ALPK2: variants seen among roughly 807,000 people sequenced by gnomAD.
ALPK2 encodes alpha-protein kinase 2.
Under a neutral mutation model 163.1 loss-of-function variants are expected in ALPK2, and 127 were observed. The observed-to-expected ratio is 0.78, with a 90% CI of 0.67 to 0.90. The LOEUF (loss-of-function observed/expected upper bound fraction) is 0.90. Ranked by LOEUF, ALPK2 falls within the 40% of genes least tolerant of loss-of-function variation. The pLI, the probability that ALPK2 is intolerant of heterozygous loss-of-function variation, is 0.00. For synonymous variants in ALPK2, 953 were observed against 959.1 expected (o/e 0.99, Z 0.12); for missense variants, 2,360 against 2,589.6 (o/e 0.91, Z 1.92).
At chr18:58,524,912 A>G (rs1365072322) in intron 6 of ALPK2, among the ~76,000 whole-genome samples, 1 of 145,996 alleles carries the variant, frequency 6.8e-6, no homozygotes, top group East Asian at 2.1e-4. Flanking sequence ...AGAGCCACAT[A>G]TTTATTCCAA....
At chr18:58,610,262 A>G (rs1352441688) in intron 2 of ALPK2, among the ~76,000 whole-genome samples, 1 of 143,520 alleles carries the variant, frequency 7.0e-6, no homozygotes, top group African/African-American at 2.6e-5. Flanking sequence ...CAACAGAGCA[A>G]GAGACCCTGT....
chr18:58,574,438 CAAAAAA>C (rs34107333), intron 4 of ALPK2, among the ~76,000 whole-genome samples: 1,044 of 49,392 alleles, frequency 0.021, 16 homozygotes, highest in African/African-American at 0.077. Flanking sequence ...GACTCCATCT[CAAAAAA>C]AAAAAAAAAA....
rs779368289 is a variant in ALPK2, at chr18:58,529,029, C to T, written c.5501+62G>A. On this transcript the variant is annotated intron_variant, in intron 6 of 12. Coordinates refer to ENST00000361673, the MANE Select transcript of ALPK2 (RefSeq NM_052947.4). Reference sequence around the variant, plus strand: ...ATAATTTATTCTTTTTTCTTTTTTACAACCATGTTGTGAAATAAACAAGCA... The same window carrying T: ...ATAATTTATTCTTTTTTCTTTTTTATAACCATGTTGTGAAATAAACAAGCA... 3.1e-6 allele frequency: 5 copies of T among 1,596,136 alleles called. No individual in the cohort carries two copies. The Middle Eastern group carries it at 6.7e-4, about 213-fold the overall frequency.
chr18:58,487,998 G>A (rs529840272), intron 12 of ALPK2, among the ~76,000 whole-genome samples: 6 of 152,280 alleles, frequency 3.9e-5, no homozygotes, highest in Admixed American at 3.3e-4. Context: ...AGTAGGTCTG[G>A]AGTGGGGGTG....
intron 11 of ALPK2, among the ~76,000 whole-genome samples, chr18:58,499,487 G>A (rs1475845583): frequency 6.6e-6 from 1 of 152,172 alleles, no homozygotes; most frequent in South Asian, 2.1e-4. Context: ...CTTCCCTGAT[G>A]CCCAGAGTGT....
chr18:58,564,371 C>T (rs902190134), intron 4 of ALPK2, among the ~76,000 whole-genome samples: 1 of 151,968 alleles, frequency 6.6e-6, no homozygotes, highest in Admixed American at 6.6e-5. Flanking sequence ...ATTCGCCCAC[C>T]TCGGCCTCTC....
chr18:58,561,346 C>T (rs1031215685), intron 4 of ALPK2, among the ~76,000 whole-genome samples: 1 of 152,158 alleles, frequency 6.6e-6, no homozygotes, highest in Non-Finnish European at 1.5e-5. Flanking sequence ...CACATTGGAA[C>T]ACTGGGCCTT....
chr18:58,609,185 C>T (rs1181024404), intron 2 of ALPK2, among the ~76,000 whole-genome samples: 1 of 149,864 alleles, frequency 6.7e-6, no homozygotes, highest in Non-Finnish European at 1.5e-5. Flanking sequence ...TGGATTTTTC[C>T]TCCTTGCCTT....
At chr18:58,520,454 A>AAAAAAAAAG (rs2051544279) in intron 8 of ALPK2, among the ~76,000 whole-genome samples, 1 of 146,364 alleles carries the variant, frequency 6.8e-6, no homozygotes, top group Admixed American at 6.9e-5. Context: ...AAAAAAAAAA[A>AAAAAAAAAG]GAATCAGGAG....
At chr18:58,541,816 C>A (rs1034416518) in intron 4 of ALPK2, among the ~76,000 whole-genome samples, 3 of 152,180 alleles carry the variant, frequency 2.0e-5, no homozygotes, top group African/African-American at 7.2e-5. Flanking sequence ...TTTGTACTTG[C>A]TTACGGCATC....
intron 11 of ALPK2, among the ~76,000 whole-genome samples, 195 bp from the exon 12 acceptor site, chr18:58,498,292 A>C (rs74530934): frequency 0.021 from 3,185 of 152,246 alleles, 32 homozygotes; most frequent in Non-Finnish European, 0.031. Context: ...AGGGGGAATC[A>C]AGTCTCATGT....
intron 6 of ALPK2, among the ~76,000 whole-genome samples, chr18:58,525,367 G>C (rs1309522941): frequency 6.6e-6 from 1 of 152,226 alleles, no homozygotes; most frequent in Non-Finnish European, 1.5e-5. Context: ...GTAAAACACA[G>C]AGTGGGCCAC....
At chr18:58,539,166 G>A (rs1228586324) in intron 4 of ALPK2, among the ~76,000 whole-genome samples, 1 of 152,158 alleles carries the variant, frequency 6.6e-6, no homozygotes, top group African/African-American at 2.4e-5. Context: ...CACCTCTAAT[G>A]AATAAATGGA....
chr18:58,559,371 C>T (rs904670028), intron 4 of ALPK2, among the ~76,000 whole-genome samples: 10 of 152,144 alleles, frequency 6.6e-5, no homozygotes, highest in Non-Finnish European at 1.3e-4. Context: ...AAACCCTGCA[C>T]TAAAGGCTGC....
At chr18:58,578,433 A>C (rs1010609586) in intron 4 of ALPK2, 2 of 166,158 alleles carry the variant, frequency 1.2e-5, no homozygotes, top group African/African-American at 2.4e-5. Flanking sequence ...TTTAAAGGCT[A>C]CACCCAAAAC....
Position 58,528,893 on chromosome 18 carries a change from G to C in ALPK2, c.5501+198C>G. 1.5e-5 allele frequency: 10 copies of C among 647,928 alleles called. No individual in the cohort carries two copies. In the South Asian group the frequency reaches 1.8e-4, roughly 12 times the overall value. The allele number at this position is 647,928 out of a possible 1,614,324, so 40.1% of individuals were successfully genotyped here. On this transcript the variant is annotated intron_variant, in intron 6 of 12. Transcript: ENST00000361673. ...CCAGAACTCAATTCTGGCAAAACCT[G>C]GGCAAGAATCCTCCATCATTTTCCC... is the stretch of plus-strand genomic sequence containing the variant.
chr18:58,558,583 A>G lies in ALPK2; in HGVS notation c.1962+20231T>C, dbSNP rs555789139. Among the ~76,000 whole-genome samples the G allele has an allele frequency of 2.0e-5, 3 of 152,354 alleles. No homozygotes were observed. In the East Asian group the frequency reaches 5.8e-4, roughly 29 times the overall value. On this transcript the variant is annotated intron_variant, in intron 4 of 12. Transcript: ENST00000361673. ...AATTCCACTCTTAGGTACTTACCCA[A>G]GATAATTTGAAAACATATGCCCACA...
intron 4 of ALPK2, among the ~76,000 whole-genome samples, chr18:58,561,988 G>T (rs78740423): frequency 0.015 from 2,235 of 152,282 alleles, 53 homozygotes; most frequent in African/African-American, 0.05. Context: ...GAGTTATTCT[G>T]ACTACACTCA....
chr18:58,503,171 G>A (rs1373645040), intron 11 of ALPK2, among the ~76,000 whole-genome samples: 1 of 152,224 alleles, frequency 6.6e-6, no homozygotes, highest in East Asian at 1.9e-4. Flanking sequence ...CTAAACAATT[G>A]TGTATACATT....
Sources: allele counts gnomAD v4.1 joint callset (sites outside exome capture counted in the v4.1 genomes callset), GRCh38; gene constraint gnomAD v4.1.1; transcripts MANE v1.5; gene names NCBI Gene and HGNC (gene_info 2026-07-23, HGNC 2026-07-21).